AXDND1: variants seen among roughly 807,000 people sequenced by gnomAD.
AXDND1 encodes the protein axonemal dynein light chain domain containing 1.
Under a neutral mutation model 137.5 loss-of-function variants are expected in AXDND1, and 110 were observed. The ratio of observed to expected loss-of-function variants is 0.80; its 90% CI spans 0.69 to 0.94. AXDND1 has a LOEUF of 0.94. Among genes scored for constraint, AXDND1 ranks in the 40% least tolerant of loss-of-function variants. AXDND1 has a pLI of 0.00. For missense variants in AXDND1, 1,191 were observed against 1,169.8 expected (o/e 1.02, Z -0.26); for synonymous variants, 414 against 399.7 (o/e 1.04, Z -0.43).
chr1:179,459,626 A>G lies in AXDND1; in HGVS notation c.1799-8817A>G, dbSNP rs1162100992. Among the ~76,000 whole-genome samples the G allele has an allele frequency of 1.7e-4, 26 of 151,824 alleles. 1 individual carries two copies. Among genetic ancestry groups the G allele is most frequent in the Admixed American group, 1.6e-3 (24 of 15,224 alleles). On this transcript the variant is annotated intron_variant, in intron 16 of 25. Transcript: ENST00000367618. ...TGAAGAAATGTCTTTGGTATTTTCT[A>G]TAGTGGTGGGTCTGCTGATTACTTT...
At chr1:179,437,313 G>A (rs770841758) in intron 15 of AXDND1, among the ~76,000 whole-genome samples, 8 of 152,160 alleles carry the variant, frequency 5.3e-5, no homozygotes, top group African/African-American at 1.4e-4. Context: ...GGTGATTGTC[G>A]GGTAATTGTC....
At chr1:179,532,599 G>T (rs1671134043) in intron 23 of AXDND1, among the ~76,000 whole-genome samples, 1 of 152,116 alleles carries the variant, frequency 6.6e-6, no homozygotes, top group African/African-American at 2.4e-5. Context: ...AAGGGAAGAA[G>T]TTGGCCAAGT....
chr1:179,370,466 G>A (rs1309484419), intron 4 of AXDND1, among the ~76,000 whole-genome samples: 2 of 152,208 alleles, frequency 1.3e-5, no homozygotes, highest in African/African-American at 2.4e-5. Context: ...GAAAGAACTA[G>A]GTAACATAGC....
At chr1:179,395,404 G>A (rs1027367899) in intron 11 of AXDND1, among the ~76,000 whole-genome samples, 17 of 152,120 alleles carry the variant, frequency 1.1e-4, no homozygotes, top group African/African-American at 4.1e-4. Flanking sequence ...ATAGACCGTT[G>A]CTTTCTGCAT....
rs568684603 is a variant in AXDND1 at position 179,488,105 on chromosome 1, G to T, written c.2092-3433G>T. Among the ~76,000 whole-genome samples the T allele has an allele frequency of 1.0e-4, 15 of 144,526 alleles. 1 individual carries two copies. The highest frequency in any genetic ancestry group is 3.7e-4 in the African/African-American group (14 of 37,352). 94.8% of individuals were successfully genotyped at this position (144,526 alleles called of 152,430 possible). On this transcript the variant is annotated intron_variant, in intron 18 of 25. Transcript: ENST00000367618. ...CCATCTATCATAATGTCAATCAGTTGTTCTTACAGTTGTCTAAAACATTAG... is the reference window on the plus strand; with the variant it reads ...CCATCTATCATAATGTCAATCAGTTTTTCTTACAGTTGTCTAAAACATTAG...
At chr1:179,408,527 C>T (rs954322452) in intron 11 of AXDND1, among the ~76,000 whole-genome samples, 3 of 152,092 alleles carry the variant, frequency 2.0e-5, no homozygotes, top group Admixed American at 2.0e-4. Flanking sequence ...CAGGCATGCA[C>T]ATGCCATCAC....
intron 16 of AXDND1, among the ~76,000 whole-genome samples, chr1:179,459,004 A>G (rs988670288): frequency 1.3e-5 from 2 of 152,198 alleles, no homozygotes; most frequent in Non-Finnish European, 2.9e-5. Context: ...CTATAGGAAA[A>G]AAAGATTAAA....
chr1:179,531,602 C>G (rs978214571), intron 23 of AXDND1, among the ~76,000 whole-genome samples: 2 of 151,984 alleles, frequency 1.3e-5, no homozygotes, highest in East Asian at 3.9e-4. Context: ...TAGTAGGGGA[C>G]GAGGTTGATT....
chr1:179,450,633 A>C (rs2125394167), intron 16 of AXDND1: 1 of 152,300 alleles, frequency 6.6e-6, no homozygotes, highest in African/African-American at 2.4e-5. Context: ...TATTACATTG[A>C]TTTTTGGATA....
chr1:179,401,908 T>A (rs949689251), intron 11 of AXDND1, among the ~76,000 whole-genome samples: 1 of 152,060 alleles, frequency 6.6e-6, no homozygotes, highest in South Asian at 2.1e-4. Flanking sequence ...GCAAGGTGGC[T>A]CAAGCCTGTA....
intron 19 of AXDND1, among the ~76,000 whole-genome samples, chr1:179,492,311 G>A (rs1175204606): frequency 6.6e-6 from 1 of 151,996 alleles, no homozygotes; most frequent in Non-Finnish European, 1.5e-5. Flanking sequence ...CTGATCTCAA[G>A]TGATCTGCCC....
At chr1:179,498,314 A>G (rs535518484) in intron 20 of AXDND1, among the ~76,000 whole-genome samples, 25 of 151,778 alleles carry the variant, frequency 1.6e-4, no homozygotes, top group Non-Finnish European at 3.0e-4. Context: ...ATGTAGACTA[A>G]TGGAACATAA....
chr1:179,548,028 A>G (rs6662262), intron 25 of AXDND1, among the ~76,000 whole-genome samples: 99,707 of 151,914 alleles, frequency 0.66, 33,050 homozygotes, highest in African/African-American at 0.72. Flanking sequence ...ACTTTGAAAC[A>G]AATGCTTGTT....
intron 12 of AXDND1, among the ~76,000 whole-genome samples, chr1:179,426,839 A>C (rs1656638924): frequency 6.6e-6 from 1 of 152,216 alleles, no homozygotes; most frequent in Non-Finnish European, 1.5e-5. Context: ...GGATAGGAGA[A>C]CATTTAATAA....
At chr1:179,544,842 G>A (rs10798689) in intron 25 of AXDND1, 138,909 of 152,204 alleles carry the variant, frequency 0.91, 63,498 homozygotes, top group East Asian at 0.96. Flanking sequence ...TTCTCAGAAG[G>A]TAAAACTGAG....
chr1:179,427,931 C>T (rs1656807570), intron 12 of AXDND1, among the ~76,000 whole-genome samples: 1 of 145,280 alleles, frequency 6.9e-6, no homozygotes, highest in African/African-American at 2.6e-5. Context: ...AAGGAGGAGA[C>T]CCAATGTAAG....
At chr1:179,550,790 T>C in intron 25 of AXDND1, 1 of 306,184 alleles carries the variant, frequency 3.3e-6, no homozygotes. Flanking sequence ...TGATAGGTGC[T>C]TGTAGGAAGG....
intron 18 of AXDND1, among the ~76,000 whole-genome samples, chr1:179,487,324 C>T (rs1449051304): frequency 1.3e-5 from 2 of 148,166 alleles, no homozygotes; most frequent in East Asian, 3.9e-4. Flanking sequence ...TATTATGTAC[C>T]TCCATTAGCA....
chr1:179,378,601 A>T, intron 4 of AXDND1, 36 bp from the exon 5 acceptor site: 1 of 1,496,148 alleles, frequency 6.7e-7, no homozygotes, highest in African/African-American at 1.4e-5. Context: ...CCAGATAGAA[A>T]ATTTGTTTTG....
Sources: allele counts gnomAD v4.1 joint callset (sites outside exome capture counted in the v4.1 genomes callset), GRCh38; gene constraint gnomAD v4.1.1; transcripts MANE v1.5; gene names NCBI Gene and HGNC (gene_info 2026-07-23, HGNC 2026-07-21).